The following SMC5 variants were observed in gnomAD, a reference collection of about 807,000 sequenced individuals.
SMC5 encodes structural maintenance of chromosomes protein 5.
Under a neutral mutation model 148.3 loss-of-function variants are expected in SMC5, and 88 were observed. The observed-to-expected ratio is 0.59, with a 90% CI of 0.50 to 0.71. The LOEUF is 0.71. Ranked by LOEUF, SMC5 falls within the 30% of genes least tolerant of loss-of-function variation. The pLI is 0.00. For synonymous variants in SMC5, 421 were observed against 432.8 expected, an observed-to-expected ratio of 0.97 and a Z score of 0.34; for missense variants, 1,142 against 1,298.9, an observed-to-expected ratio of 0.88 and a Z score of 1.86.
At position 70,349,787 on chromosome 9, in the gene SMC5, G is replaced by A. The variant is rs148696414; in HGVS notation, c.2890-327G>A. Among the ~76,000 whole-genome samples, 332 of 152,274 alleles carry A rather than the reference G, an allele frequency of 2.2e-3. 1 individual carries two copies. Among genetic ancestry groups the A allele is most frequent in the Admixed American group, 3.8e-3 (58 of 15,294 alleles). On this transcript the variant is annotated intron_variant, in intron 22 of 24. Coordinates refer to ENST00000361138, the MANE Select transcript of SMC5 (RefSeq NM_015110.4). The stretch of plus-strand genomic sequence containing the variant: ...ATAGATAGTGCTTTTTGAGGACAGA[G>A]TTCCTCGCTCAGTAATTTCTAAAAA...
rs1186080125 is a variant in SMC5, at chr9:70,280,770, A to C, written c.690A>C (p.Lys230Asn). ...TATATTTATTGTAGACCTCATGCAA[A>C]GAGAAAACTGAGTATCTACAGAAAA... is the stretch of plus-strand genomic sequence containing the variant. ...EKEKQLETSC[K>N]EKTEYLQKMV... The change falls in exon 6 of 25, where the codon AAA (lysine) becomes AAC (asparagine). Residue 230 changes from lysine to asparagine, a missense_variant. By Grantham distance (94) the Lys-to-Asn change is moderately conservative. This residue lies in a region of SMC5 where 297 missense variants were observed against 302.6 expected (regional missense o/e 0.98). Coordinates refer to ENST00000361138, the MANE Select transcript of SMC5 (RefSeq NM_015110.4). 5 of 1,612,164 alleles carry C rather than the reference A, an allele frequency of 3.1e-6. No homozygotes were observed. In the South Asian group the frequency reaches 5.5e-5, roughly 18 times the overall value.
At position 70,298,239 on chromosome 9, in the gene SMC5, A is replaced by G; in HGVS notation, c.1309+18A>G. 1 of 1,599,114 alleles carries G rather than the reference A, an allele frequency of 6.3e-7. No homozygotes were observed. Among genetic ancestry groups the G allele is most frequent in the African/African-American group, 1.4e-5 (1 of 74,050 alleles). On this transcript the variant is annotated intron_variant, in intron 9 of 24. Transcript: ENST00000361138. ...GAAAAAGAGTAAGTTTCATAAAGTT[A>G]GAATGAAATGTTTATAAAATGTAGA...
At chr9:70,303,249 A>G (rs983528039) in intron 10 of SMC5, among the ~76,000 whole-genome samples, 1 of 151,864 alleles carries the variant, frequency 6.6e-6, no homozygotes, top group African/African-American at 2.4e-5. Flanking sequence ...AAAAAAAAAC[A>G]ATACAGTCTG....
rs948576393 is a variant in SMC5 at position 70,335,496 on chromosome 9, C to A, written c.2398-8648C>A. Reference sequence around the variant, plus strand: ...AGCAAGACCCTGTCTTAAAAAAAAACCAGCAACAACAAAAATGGAGGTTAA... The same window carrying A: ...AGCAAGACCCTGTCTTAAAAAAAAAACAGCAACAACAAAAATGGAGGTTAA... On this transcript the variant is annotated intron_variant, in intron 17 of 24. Coordinates refer to ENST00000361138, the MANE Select transcript of SMC5 (RefSeq NM_015110.4). Among the ~76,000 whole-genome samples the A allele has an allele frequency of 1.1e-4, 17 of 151,912 alleles. 1 individual carries two copies. Among genetic ancestry groups the A allele is most frequent in the Non-Finnish European group, 2.2e-4 (15 of 67,954 alleles).
At chr9:70,304,798 T>G (rs1317815106) in intron 10 of SMC5, among the ~76,000 whole-genome samples, 3 of 151,118 alleles carry the variant, frequency 2.0e-5, no homozygotes, top group Admixed American at 2.0e-4. Context: ...ATAGCAAGGT[T>G]TTTTTTTTTC....
At chr9:70,298,908 AT>A (rs1026921244) in intron 9 of SMC5, among the ~76,000 whole-genome samples, 1 of 151,842 alleles carries the variant, frequency 6.6e-6, no homozygotes, top group Non-Finnish European at 1.5e-5. Context: ...AACTTTAGAC[AT>A]TATCTTTTTG....
chr9:70,265,101 C>G (rs2034254489), intron 2 of SMC5, among the ~76,000 whole-genome samples: 1 of 152,110 alleles, frequency 6.6e-6, no homozygotes, highest in Non-Finnish European at 1.5e-5. Context: ...AAAAATACTG[C>G]CCGAACAATC....
At chr9:70,313,606 T>A (rs191838413) in intron 11 of SMC5, among the ~76,000 whole-genome samples, 30 of 152,262 alleles carry the variant, frequency 2.0e-4, no homozygotes, top group Middle Eastern at 3.4e-3. Flanking sequence ...CAAGCAATTC[T>A]CCTGCCTCAA....
At chr9:70,297,778 T>C (rs572475293) in intron 8 of SMC5, among the ~76,000 whole-genome samples, 188 bp from the exon 9 acceptor site, 3 of 152,332 alleles carry the variant, frequency 2.0e-5, no homozygotes, top group East Asian at 3.9e-4. Context: ...TATTAGTGAA[T>C]GTGTGAAACA....
intron 1 of SMC5, among the ~76,000 whole-genome samples, chr9:70,262,058 A>T (rs1213969460): frequency 6.6e-6 from 1 of 152,026 alleles, no homozygotes; most frequent in South Asian, 2.1e-4. Flanking sequence ...TAATGAGGGG[A>T]TTTTGAGTTT....
chr9:70,328,173 CT>C (rs2036129820), intron 17 of SMC5, among the ~76,000 whole-genome samples: 1 of 152,092 alleles, frequency 6.6e-6, no homozygotes, highest in Non-Finnish European at 1.5e-5. Flanking sequence ...CATTCTGCCC[CT>C]GGCCCTTCCG....
At chr9:70,311,241 G>T (rs936322533) in intron 11 of SMC5, 6 of 152,134 alleles carry the variant, frequency 3.9e-5, no homozygotes, top group Non-Finnish European at 8.8e-5. Context: ...TGAACACTTA[G>T]AGGCTATTGT....
chr9:70,264,706 C>G lies in SMC5; in HGVS notation c.327+261C>G, dbSNP rs184576956. Among the ~76,000 whole-genome samples, 12 of 152,120 alleles carry G rather than the reference C, an allele frequency of 7.9e-5. No homozygotes were observed. The East Asian group carries it at 1.4e-3, about 17-fold the overall frequency. Reference sequence around the variant, plus strand: ...TATGTCTTTTTTTTTAAATGCATCACTTGGCTTGTGGAACAGTGAAGTAAA... The same window carrying G: ...TATGTCTTTTTTTTTAAATGCATCAGTTGGCTTGTGGAACAGTGAAGTAAA... On this transcript the variant is annotated intron_variant, in intron 2 of 24. Transcript: ENST00000361138.
intron 15 of SMC5, among the ~76,000 whole-genome samples, chr9:70,320,561 A>G (rs74740259): frequency 0.035 from 5,320 of 152,258 alleles, 125 homozygotes; most frequent in Non-Finnish European, 0.054. Flanking sequence ...TATTATAACT[A>G]ATCTAGAGAT....
At chr9:70,342,172 A>G (rs2036544170) in intron 17 of SMC5, among the ~76,000 whole-genome samples, 1 of 147,924 alleles carries the variant, frequency 6.8e-6, no homozygotes, top group African/African-American at 2.5e-5. Context: ...TCTCACTCAT[A>G]GGTAGGAATT....
At chr9:70,289,788 T>A (rs2035009696) in intron 8 of SMC5, among the ~76,000 whole-genome samples, 1 of 151,602 alleles carries the variant, frequency 6.6e-6, no homozygotes, top group Non-Finnish European at 1.5e-5. Flanking sequence ...CCCATCTAAT[T>A]AAGAAAAAAA....
chr9:70,303,468 C>G (rs2035416184), intron 10 of SMC5, among the ~76,000 whole-genome samples: 1 of 152,084 alleles, frequency 6.6e-6, no homozygotes, highest in Admixed American at 6.6e-5. Context: ...AAACAATAGG[C>G]TGATTGTTCA....
intron 11 of SMC5, among the ~76,000 whole-genome samples, chr9:70,306,253 A>G (rs1203512981): frequency 6.6e-6 from 1 of 152,106 alleles, no homozygotes; most frequent in Non-Finnish European, 1.5e-5. Context: ...TGCCTTGTTT[A>G]AAGAATTTTT....
intron 17 of SMC5, among the ~76,000 whole-genome samples, chr9:70,341,942 A>T (rs1018268109): frequency 6.6e-6 from 1 of 150,782 alleles, no homozygotes; most frequent in Admixed American, 6.6e-5. Flanking sequence ...ATGCACACGT[A>T]TATTTATTGC....
Sources: allele counts gnomAD v4.1 joint callset (sites outside exome capture counted in the v4.1 genomes callset), GRCh38; gene constraint gnomAD v4.1.1; regional missense constraint gnomAD v4.1.1; transcripts MANE v1.5; gene names NCBI Gene and HGNC (gene_info 2026-07-23, HGNC 2026-07-21).